The following CNTN6 variants were observed in gnomAD, a reference collection of about 807,000 sequenced individuals.
CNTN6 encodes the protein contactin 6, also known as contactin-6.
In CNTN6, 137 loss-of-function variants were observed where a neutral mutation model predicts 122.8. That is an observed-to-expected ratio of 1.12 (90% CI 0.97 to 1.29). CNTN6 has a LOEUF of 1.29. Ranked by LOEUF, CNTN6 falls within the 50% of genes most tolerant of loss-of-function variation. The pLI, the probability that CNTN6 is intolerant of heterozygous loss-of-function variation, is 0.00. For missense variants in CNTN6, 1,634 were observed against 1,223.4 expected (o/e 1.34, Z -5.01); for synonymous variants, 570 against 426.0 (o/e 1.34, Z -4.16).
At chr3:1,264,492 G>A (rs2094896274) in intron 4 of CNTN6, among the ~76,000 whole-genome samples, 1 of 152,072 alleles carries the variant, frequency 6.6e-6, no homozygotes, top group African/African-American at 2.4e-5. Context: ...TGTCATTTGG[G>A]ACTAAAAGTT....
chr3:1,273,948 A>C (rs12497733), intron 4 of CNTN6, among the ~76,000 whole-genome samples: 3,118 of 152,334 alleles, frequency 0.02, 58 homozygotes, highest in Admixed American at 0.044. Context: ...GAGCACTGAC[A>C]ATGTGACACT....
chr3:1,256,998 A>G (rs561405766), intron 4 of CNTN6, among the ~76,000 whole-genome samples: 137 of 152,306 alleles, frequency 9.0e-4, no homozygotes, highest in African/African-American at 3.2e-3. Flanking sequence ...GATACTTTCA[A>G]CAGCACCACC....
At chr3:1,280,218 T>TA (rs1194220582) in intron 5 of CNTN6, among the ~76,000 whole-genome samples, 2 of 152,060 alleles carry the variant, frequency 1.3e-5, no homozygotes, top group African/African-American at 4.8e-5. Context: ...GTTCCATATG[T>TA]AAAAAAATTT....
At chr3:1,280,965 C>A (rs1449214393) in intron 5 of CNTN6, among the ~76,000 whole-genome samples, 1 of 152,140 alleles carries the variant, frequency 6.6e-6, no homozygotes, top group Non-Finnish European at 1.5e-5. Flanking sequence ...ATCTGTCTCA[C>A]ATTTAGTCCC....
intron 1 of CNTN6, among the ~76,000 whole-genome samples, chr3:1,101,874 T>C (rs777516587): frequency 5.3e-5 from 8 of 152,312 alleles, no homozygotes; most frequent in Non-Finnish European, 1.2e-4. Context: ...GTATGCAAAT[T>C]CTTAAAATCT....
intron 2 of CNTN6, among the ~76,000 whole-genome samples, chr3:1,199,689 C>G (rs13096506): frequency 0.11 from 16,768 of 152,028 alleles, 983 homozygotes; most frequent in Non-Finnish European, 0.13. Context: ...GGAACACAGA[C>G]GGGAGGAGAT....
chr3:1,393,481 G>T (rs1370422062), intron 20 of CNTN6, among the ~76,000 whole-genome samples: 1 of 142,892 alleles, frequency 7.0e-6, no homozygotes, highest in East Asian at 2.1e-4. Flanking sequence ...TGGGTGCAGC[G>T]CACCAGCATG....
chr3:1,350,918 A>G (rs1705528601), intron 11 of CNTN6, among the ~76,000 whole-genome samples: 2 of 152,038 alleles, frequency 1.3e-5, no homozygotes, highest in South Asian at 2.1e-4. Flanking sequence ...GCATAATAGA[A>G]TAGTTTTGTT....
At chr3:1,279,295 T>G (rs966022117) in intron 5 of CNTN6, among the ~76,000 whole-genome samples, 2 of 152,178 alleles carry the variant, frequency 1.3e-5, no homozygotes, top group African/African-American at 2.4e-5. Flanking sequence ...TGTGGTAAAT[T>G]TAGTCGTGAT....
intron 20 of CNTN6, among the ~76,000 whole-genome samples, chr3:1,390,771 C>T (rs1694014967): frequency 6.6e-6 from 1 of 151,666 alleles, no homozygotes; most frequent in East Asian, 1.9e-4. Flanking sequence ...GAGAATACTA[C>T]AAACACCTCT....
chr3:1,299,868 T>C (rs1295811705), intron 7 of CNTN6, among the ~76,000 whole-genome samples: 5 of 152,226 alleles, frequency 3.3e-5, no homozygotes, highest in African/African-American at 1.2e-4. Context: ...GATTCCACCT[T>C]GTATGTTTGT....
chr3:1,322,735 T>C (rs1164234154), intron 8 of CNTN6, among the ~76,000 whole-genome samples: 2 of 151,532 alleles, frequency 1.3e-5, no homozygotes, highest in African/African-American at 4.8e-5. Flanking sequence ...GGGGAGAACA[T>C]ATTGTGTGTC....
chr3:1,236,913 T>A (rs948263362), intron 4 of CNTN6, among the ~76,000 whole-genome samples: 71 of 152,094 alleles, frequency 4.7e-4, no homozygotes, highest in African/African-American at 1.7e-3. Context: ...ACCCTGTCTC[T>A]ACTAAAAAAT....
intron 13 of CNTN6, 140 bp downstream of exon 13, chr3:1,372,614 T>C (rs1709213942): frequency 1.2e-6 from 1 of 801,176 alleles, no homozygotes. Context: ...TGTTTTTGTT[T>C]TGGTTTATTT....
intron 1 of CNTN6, among the ~76,000 whole-genome samples, chr3:1,126,690 T>G (rs2092172962): frequency 6.6e-6 from 1 of 151,872 alleles, no homozygotes; most frequent in Non-Finnish European, 1.5e-5. Flanking sequence ...TTAAATGAGC[T>G]TTTCTTGGCT....
intron 2 of CNTN6, chr3:1,173,328 A>ACT (rs2093394115): frequency 2.2e-6 from 1 of 456,392 alleles, no homozygotes; most frequent in East Asian, 6.9e-5. Flanking sequence ...GGTGAGTGTG[A>ACT]ATGCTCCAGT....
At chr3:1,156,119 C>A (rs991418803) in intron 2 of CNTN6, among the ~76,000 whole-genome samples, 2 of 152,184 alleles carry the variant, frequency 1.3e-5, no homozygotes, top group Non-Finnish European at 2.9e-5. Flanking sequence ...GACTGTGCTA[C>A]TTGTAAGATC....
At chr3:1,133,513 CT>C (rs2092392808) in intron 1 of CNTN6, among the ~76,000 whole-genome samples, 1 of 152,164 alleles carries the variant, frequency 6.6e-6, no homozygotes, top group Non-Finnish European at 1.5e-5. Context: ...AGTTAAGTAA[CT>C]CACACAAATC....
chr3:1,237,976 C>T (rs2094441245), intron 4 of CNTN6, among the ~76,000 whole-genome samples: 1 of 150,076 alleles, frequency 6.7e-6, no homozygotes, highest in African/African-American at 2.4e-5. Flanking sequence ...ACCTATATAA[C>T]AATAACACAA....
Sources: allele counts gnomAD v4.1 joint callset (sites outside exome capture counted in the v4.1 genomes callset), GRCh38; gene constraint gnomAD v4.1.1; transcripts MANE v1.5; gene names NCBI Gene and HGNC (gene_info 2026-07-23, HGNC 2026-07-21).